The following SAMD14 variants were observed in gnomAD, a reference collection of about 807,000 sequenced individuals.
SAMD14 encodes sterile alpha motif domain-containing protein 14.
A neutral mutation model predicts 46.2 loss-of-function variants in SAMD14; 27 were observed. The observed-to-expected ratio is 0.58, with a 90% CI of 0.43 to 0.81. The LOEUF (loss-of-function observed/expected upper bound fraction) is 0.81, where lower values mean the gene tolerates loss of function less well. SAMD14 is among the 30% of genes least tolerant of loss of function. The pLI is 0.00. For missense variants in SAMD14, 559 were observed against 582.2 expected, an observed-to-expected ratio of 0.96 and a Z score of 0.41; for synonymous variants, 241 against 254.3, an observed-to-expected ratio of 0.95 and a Z score of 0.50.
At position 50,112,949 on chromosome 17, in the gene SAMD14, C is replaced by G. The variant is rs563828136; in HGVS notation, c.1198G>C (p.Ala400Pro). The change falls in exon 10 of 10, where the codon GCT (alanine) becomes CCT (proline). Residue 400 changes from alanine (A) to proline (P), a missense_variant. Ala to Pro is a conservative substitution (Grantham distance 27, BLOSUM62 -1). Coordinates refer to ENST00000330175, the MANE Select transcript of SAMD14 (RefSeq NM_001257359.2). ...CGGAGCTTCTCCCGCTGCCGCGCAG[C>G]CTTCTCCTGGGCCTTGCGCTCCTTC... Reference protein sequence around the residue: ...AEKERKAQEKAARQREKLRRR... With the variant: ...AEKERKAQEKPARQREKLRRR... 4 of 1,610,476 alleles carry G rather than the reference C, an allele frequency of 2.5e-6. No homozygotes were observed. Among genetic ancestry groups the G allele is most frequent in the Admixed American group, 1.7e-5 (1 of 60,002 alleles).
chr17:50,113,978 A>G lies in SAMD14; in HGVS notation c.1044T>C (p.Ala348=), dbSNP rs754866475. The G allele has an allele frequency of 1.9e-6, 3 of 1,613,714 alleles. No individual in the cohort carries two copies. In the East Asian group the frequency reaches 6.7e-5, roughly 36 times the overall value. The change falls in exon 9 of 10, where the codon GCT becomes GCC. Residue 348 remains alanine, a synonymous_variant. Transcript: ENST00000330175. ...GCTGCGGCCCGTCTACCTGCCGTGCAGCAAACTCAGCAGCATACTGTTCCA... is the reference window on the plus strand; with the variant it reads ...GCTGCGGCCCGTCTACCTGCCGTGCGGCAAACTCAGCAGCATACTGTTCCA... ...LNLEQYAAEF[A]ARQVDGPQLL...
chr17:50,128,482 T>TCTCACACACACA (rs550871572), intron 1 of SAMD14, among the ~76,000 whole-genome samples: 63 of 135,896 alleles, frequency 4.6e-4, no homozygotes, highest in African/African-American at 1.6e-3. Flanking sequence ...GCACACTCTC[T>TCTCACACACACA]CACACACACA....
chr17:50,116,314 G>A, intron 4 of SAMD14: 2 of 593,806 alleles, frequency 3.4e-6, no homozygotes, highest in Non-Finnish European at 5.7e-6. Context: ...GGACCTAATG[G>A]GATGCTTATG....
At chr17:50,119,981 T>C (rs1911423239) in intron 2 of SAMD14, among the ~76,000 whole-genome samples, 1 of 152,204 alleles carries the variant, frequency 6.6e-6, no homozygotes, top group African/African-American at 2.4e-5. Flanking sequence ...AACGGATTCA[T>C]CCACAATTCC....
intron 1 of SAMD14, among the ~76,000 whole-genome samples, chr17:50,126,460 A>C (rs2144419208): frequency 6.6e-6 from 1 of 151,676 alleles, no homozygotes; most frequent in African/African-American, 2.4e-5. Flanking sequence ...GCCCACCACC[A>C]CGCCTGGCTA....
intron 2 of SAMD14, 124 bp from the exon 3 acceptor site, chr17:50,118,451 G>T: frequency 8.5e-7 from 1 of 1,172,456 alleles, no homozygotes; most frequent in South Asian, 1.5e-5. Flanking sequence ...TGAGTGCTGG[G>T]AGCACAGACA....
At position 50,115,933 on chromosome 17, in the gene SAMD14, G is replaced by A; in HGVS notation, c.588-29C>T. ...TGGGGAGGCAGCAGGAAGTGGGGCA[G>A]GGCTGCCCACTGTGCTACCCCTTAC... On this transcript the variant is annotated intron_variant, in intron 5 of 9. Coordinates refer to ENST00000330175, the MANE Select transcript of SAMD14 (RefSeq NM_001257359.2). The surrounding 1 kb of genome is among the most constrained non-coding windows in gnomAD (Gnocchi z 5.3). The A allele has an allele frequency of 6.2e-7, 1 of 1,612,992 alleles. No individual in the cohort carries two copies. Among genetic ancestry groups the A allele is most frequent in the African/African-American group, 1.3e-5 (1 of 75,044 alleles).
In SAMD14 at chr17:50,114,058, G is replaced by A. The variant is rs115327972; in HGVS notation, c.964C>T (p.Pro322Ser). The change falls in exon 9 of 10, where the codon CCT becomes TCT. Residue 322 changes from proline (P) to serine (S), a missense_variant. Physicochemically the swap from Pro to Ser is moderately conservative, Grantham distance 74. Coordinates refer to ENST00000330175, the MANE Select transcript of SAMD14 (RefSeq NM_001257359.2). ...SDEFLDEPLP[P>S]VHHWTSQQVG... is the part of the protein sequence containing the mutation. ...TGCTGGCTGGTCCAGTGGTGGACAG[G>A]GGGGAGGGGTTCATCCAGGAACTGG... is the stretch of plus-strand genomic sequence containing the variant. 208 of 1,613,646 alleles carry A rather than the reference G, an allele frequency of 1.3e-4. No homozygotes were observed. Among genetic ancestry groups the A allele is most frequent in the Non-Finnish European group, 1.7e-4 (202 of 1,180,020 alleles).
rs191968072 is a variant in SAMD14 at position 50,120,879 on chromosome 17, C to T, written c.44-2552G>A. On this transcript the variant is annotated intron_variant, in intron 2 of 9. Transcript: ENST00000330175. ...ACCACCCAATTTATAATAGCCCCCC[C>T]ACTCCAAAACTCCACTCCTGTTTTT... 4.0e-4 allele frequency among the ~76,000 whole-genome samples: 61 copies of T among 152,326 alleles called. No homozygotes were observed. The East Asian group carries it at 0.011, about 27-fold the overall frequency.
In SAMD14 at chr17:50,119,597, G is replaced by A. The variant is rs186555521; in HGVS notation, c.44-1270C>T. On this transcript the variant is annotated intron_variant, in intron 2 of 9. Coordinates refer to ENST00000330175, the MANE Select transcript of SAMD14 (RefSeq NM_001257359.2). ...AGGCACCTGCCAAGGAAGTTACCACGTCAAAGACCCCAAGGTGTCTCAAGC... is the reference window on the plus strand; with the variant it reads ...AGGCACCTGCCAAGGAAGTTACCACATCAAAGACCCCAAGGTGTCTCAAGC... Among the ~76,000 whole-genome samples, 20 of 152,188 alleles carry A rather than the reference G, an allele frequency of 1.3e-4. No individual in the cohort carries two copies. In the East Asian group the frequency reaches 1.5e-3, roughly 12 times the overall value.
In SAMD14 at chr17:50,110,665, G is replaced by A. The variant is rs1305255491; in HGVS notation, c.*2228C>T. On this transcript the variant is annotated 3_prime_UTR_variant, in exon 10 of 10. Coordinates refer to ENST00000330175, the MANE Select transcript of SAMD14 (RefSeq NM_001257359.2). ...CTTGAAGGTCGGTGGCGGAGGGGGT[G>A]GCTCTCACAGGGCCCAACTCTAAAG... 6.6e-6 allele frequency: 1 copy of A among 152,214 alleles called. No homozygotes were observed. The highest frequency in any genetic ancestry group is 1.5e-5 in the Non-Finnish European group (1 of 68,068). The allele number at this position is 152,214 out of a possible 1,614,324, so 9.4% of individuals were successfully genotyped here.
At position 50,118,340 on chromosome 17, in the gene SAMD14, G is replaced by C; in HGVS notation, c.44-13C>G. ...GCCAAGTCCAGGTCTGCGAACCGGG[G>C]GAGGGGAGCAGAGACCAGACACATG... On this transcript the variant is annotated splice_polypyrimidine_tract_variant and intron_variant, in intron 2 of 9. Coordinates refer to ENST00000330175, the MANE Select transcript of SAMD14 (RefSeq NM_001257359.2). 1 of 1,610,004 alleles carries C rather than the reference G, an allele frequency of 6.2e-7. No homozygotes were observed.
chr17:50,124,769 G>GTGCACA (rs1911679567), intron 2 of SAMD14, 148 bp downstream of exon 2: 2 of 477,202 alleles, frequency 4.2e-6, no homozygotes, highest in South Asian at 4.7e-5. Context: ...GCACGCGCGC[G>GTGCACA]CGCACACACA....
At position 50,114,079 on chromosome 17, in the gene SAMD14, A is replaced by G. The variant is rs1567718006; in HGVS notation, c.943T>C (p.Phe315Leu). The change falls in exon 9 of 10, where the codon TTC becomes CTC. Residue 315 changes from phenylalanine (F) to leucine (L), a missense_variant and splice_region_variant. Physicochemically the swap from Phe to Leu is conservative, Grantham distance 22. Transcript: ENST00000330175. ...YHTLSQSSDE[F>L]LDEPLPPVHH... ...ACAGGGGGGAGGGGTTCATCCAGGA[A>G]CTGGGCAGAGACCAAGGAGAGTGAG... 3 of 1,613,550 alleles carry G rather than the reference A, an allele frequency of 1.9e-6. No homozygotes were observed. Among genetic ancestry groups the G allele is most frequent in the Admixed American group, 1.7e-5 (1 of 60,018 alleles).
Position 50,117,480 on chromosome 17 carries a change from C to A in SAMD14, c.426G>T (p.Pro142=). 7.1e-7 allele frequency: 1 copy of A among 1,415,030 alleles called. No individual in the cohort carries two copies. Among genetic ancestry groups the A allele is most frequent in the South Asian group, 1.6e-5 (1 of 64,246 alleles). 87.7% of individuals were successfully genotyped at this position (1,415,030 alleles called of 1,614,324 possible). The change falls in exon 4 of 10, where the codon CCG becomes CCT. Residue 142 remains proline, a synonymous_variant. Coordinates refer to ENST00000330175, the MANE Select transcript of SAMD14 (RefSeq NM_001257359.2). ...EGLAAASCSP[P]RSAPSSDSSP... is the part of the protein sequence containing the mutation. ...AGCTGTCGGAGGAGGGCGCGGAGCG[C>A]GGCGGAGAGCAGGAGGCGGCGGCCA... is the stretch of plus-strand genomic sequence containing the variant.
At chr17:50,120,718 C>T (rs1466964330) in intron 2 of SAMD14, among the ~76,000 whole-genome samples, 1 of 152,206 alleles carries the variant, frequency 6.6e-6, no homozygotes, top group Non-Finnish European at 1.5e-5. Context: ...TCACACAAGC[C>T]AGCCTGCATT....
rs1467922178 is a variant in SAMD14, at chr17:50,130,114, G to A, written c.-610C>T. Among the ~76,000 whole-genome samples the A allele has an allele frequency of 6.6e-6, 1 of 152,066 alleles. No individual in the cohort carries two copies. Among genetic ancestry groups the A allele is most frequent in the Admixed American group, 6.5e-5 (1 of 15,286 alleles). On this transcript the variant is annotated 5_prime_UTR_variant, in exon 1 of 10. Coordinates refer to ENST00000330175, the MANE Select transcript of SAMD14 (RefSeq NM_001257359.2). This position sits in a 1 kb window ranked among gnomAD's most constrained non-coding sequence, Gnocchi z 4.1. ...CGGCGGGGAGGAGGCGGCTGGGGCC[G>A]GGGAGCGGAGTTGCAGCTACTTCTC...
Position 50,114,300 on chromosome 17 carries a change from T to A in SAMD14, c.829A>T (p.Thr277Ser), listed in dbSNP as rs1371237067. 1 of 1,613,582 alleles carries A rather than the reference T, an allele frequency of 6.2e-7. No homozygotes were observed. Among genetic ancestry groups the A allele is most frequent in the Admixed American group, 1.7e-5 (1 of 59,982 alleles). Residue 277 changes from threonine (T) to serine (S), a missense_variant, in exon 8 of 10, where the codon ACT (threonine) becomes TCT (serine). By Grantham distance (58) the Thr-to-Ser change is moderately conservative. Coordinates refer to ENST00000330175, the MANE Select transcript of SAMD14 (RefSeq NM_001257359.2). Reference sequence around the variant, plus strand: ...GGGGGCGTGGAGTCATCACTCAGAGTGGATTCCTAGACAGAAAAAGGTGCA... The same window carrying A: ...GGGGGCGTGGAGTCATCACTCAGAGAGGATTCCTAGACAGAAAAAGGTGCA... ...SPKKSASQESTLSDDSTPPSS... is the reference protein window; with the variant it reads ...SPKKSASQESSLSDDSTPPSS...
chr17:50,111,033 C>T lies in SAMD14; in HGVS notation c.*1860G>A, dbSNP rs1219952298. 1.3e-5 allele frequency: 2 copies of T among 152,300 alleles called. No homozygotes were observed. Among genetic ancestry groups the T allele is most frequent in the African/African-American group, 2.4e-5 (1 of 41,446 alleles). 9.4% of individuals were successfully genotyped at this position (152,300 alleles called of 1,614,324 possible). On this transcript the variant is annotated 3_prime_UTR_variant, in exon 10 of 10. Coordinates refer to ENST00000330175, the MANE Select transcript of SAMD14 (RefSeq NM_001257359.2). ...GTGGCAGTGACAGTGACACCCACAC[C>T]CACAGTAAAGAGGAGACTGAATGAG... is the stretch of plus-strand genomic sequence containing the variant.
Sources: allele counts gnomAD v4.1 joint callset (sites outside exome capture counted in the v4.1 genomes callset), GRCh38; gene constraint gnomAD v4.1.1; non-coding constraint Gnocchi (gnomAD v3.1); transcripts MANE v1.5; gene names NCBI Gene and HGNC (gene_info 2026-07-23, HGNC 2026-07-21).